The following MSL2 variants were observed in gnomAD, a reference collection of about 807,000 sequenced individuals.
MSL2 encodes the protein MSL complex subunit 2.
A neutral mutation model predicts 35.8 loss-of-function variants in MSL2; 2 were observed. That is an observed-to-expected ratio of 0.06 (90% CI 0.02 to 0.18). The LOEUF is 0.18. Ranked by LOEUF, MSL2 falls within the 10% of genes least tolerant of loss-of-function variation. The pLI, the probability that MSL2 is intolerant of heterozygous loss-of-function variation, is 1.00. For synonymous variants in MSL2, 296 were observed against 255.7 expected (o/e 1.16, Z -1.50); for missense variants, 523 against 706.7 (o/e 0.74, Z 2.95).
chr3:136,174,989 G>A (rs751005208), intron 1 of MSL2, among the ~76,000 whole-genome samples: 1 of 152,158 alleles, frequency 6.6e-6, no homozygotes, highest in Admixed American at 6.5e-5. Context: ...ATAAACCGAT[G>A]CTGATCAACC....
chr3:136,184,314 T>G (rs751738328), intron 1 of MSL2, among the ~76,000 whole-genome samples: 27 of 147,334 alleles, frequency 1.8e-4, no homozygotes, highest in Non-Finnish European at 3.1e-4. Context: ...AATTCTATGG[T>G]TCTGGGCTGG....
At chr3:136,152,889 G>T (rs1939413615) in intron 1 of MSL2, 151 bp from the exon 2 acceptor site, 11 of 1,431,908 alleles carry the variant, frequency 7.7e-6, no homozygotes, top group Non-Finnish European at 1.0e-5. Context: ...AGAAGAAACG[G>T]AAGAATCTTC....
At chr3:136,193,936 G>A (rs573773091) in intron 1 of MSL2, among the ~76,000 whole-genome samples, 1 of 152,168 alleles carries the variant, frequency 6.6e-6, no homozygotes, top group African/African-American at 2.4e-5. Context: ...AGAGAATGCT[G>A]GATAAACCTC....
At position 136,149,129 on chromosome 3, in the gene MSL2, A is replaced by C. The variant is rs1375816744; in HGVS notation, c.*2018T>G. On this transcript the variant is annotated 3_prime_UTR_variant, in exon 2 of 2. Coordinates refer to ENST00000309993, the MANE Select transcript of MSL2 (RefSeq NM_018133.4). ...CAACCTCCCATGCATCAAAAAAAAAAAAAAACCCACAAGATTATCAAACTT... is the reference window on the plus strand; with the variant it reads ...CAACCTCCCATGCATCAAAAAAAAACAAAAACCCACAAGATTATCAAACTT... 6.6e-6 allele frequency: 1 copy of C among 152,306 alleles called. No homozygotes were observed. The highest frequency in any genetic ancestry group is 1.5e-5 in the Non-Finnish European group (1 of 67,966). The allele number at this position is 152,306 out of a possible 1,614,324, so 9.4% of individuals were successfully genotyped here. A position where few individuals can be genotyped will look rare whatever the true frequency, so the allele number is the denominator to read the frequency against.
At position 136,195,836 on chromosome 3, in the gene MSL2, G is replaced by C. The variant is rs964374823; in HGVS notation, c.-723C>G. The C allele has an allele frequency of 8.1e-6, 8 of 983,784 alleles. No individual in the cohort carries two copies. The African/African-American group carries it at 1.1e-4, about 13-fold the overall frequency. 60.9% of individuals were successfully genotyped at this position (983,784 alleles called of 1,614,324 possible). A position where few individuals can be genotyped will look rare whatever the true frequency, so the allele number is the denominator to read the frequency against. On this transcript the variant is annotated 5_prime_UTR_variant, in exon 1 of 2. Transcript: ENST00000309993. ...TCCTCAACCCGGAGGGGAAGGCCGG[G>C]GAGGAAGTGCGCGGGCCGCCGCCGG... is the stretch of plus-strand genomic sequence containing the variant.
At chr3:136,170,846 C>A (rs191593123) in intron 1 of MSL2, among the ~76,000 whole-genome samples, 1 of 152,180 alleles carries the variant, frequency 6.6e-6, no homozygotes, top group East Asian at 1.9e-4. Flanking sequence ...AAAAAGAATA[C>A]AAGCCTGATC....
intron 1 of MSL2, among the ~76,000 whole-genome samples, chr3:136,193,618 A>G (rs1940753072): frequency 6.6e-6 from 1 of 152,056 alleles, no homozygotes; most frequent in Non-Finnish European, 1.5e-5. Flanking sequence ...GTGGGAGTAG[A>G]GTGAGAGGTT....
intron 1 of MSL2, among the ~76,000 whole-genome samples, chr3:136,176,034 G>C (rs749057326): frequency 8.6e-5 from 13 of 150,844 alleles, no homozygotes; most frequent in Non-Finnish European, 1.6e-4. Flanking sequence ...ACATATTCTA[G>C]ATACATATAC....
chr3:136,175,100 C>G (rs1940134590), intron 1 of MSL2, among the ~76,000 whole-genome samples: 1 of 152,002 alleles, frequency 6.6e-6, no homozygotes, highest in African/African-American at 2.4e-5. Context: ...AATCCCAGCA[C>G]TTTGGGAGGC....
chr3:136,194,907 G>A, intron 1 of MSL2, 65 bp downstream of exon 1: 4 of 1,606,534 alleles, frequency 2.5e-6, no homozygotes, highest in Middle Eastern at 1.7e-4. Context: ...ACCCGCTCAC[G>A]TTACCACTGC....
chr3:136,159,281 T>C (rs1352639999), intron 1 of MSL2, among the ~76,000 whole-genome samples: 1 of 151,710 alleles, frequency 6.6e-6, no homozygotes, highest in African/African-American at 2.4e-5. Context: ...CAGAAACAAA[T>C]TATTACATTT....
At chr3:136,156,009 CCTTATAGTACCAACTACTT>C (rs1939508524) in intron 1 of MSL2, 1 of 340,460 alleles carries the variant, frequency 2.9e-6, no homozygotes, top group African/African-American at 2.1e-5. Flanking sequence ...TCTAACATTT[CCTTATAGTACCAACTACTT>C]CTTACCTCTC....
intron 1 of MSL2, among the ~76,000 whole-genome samples, chr3:136,180,704 A>G (rs981430824): frequency 2.0e-5 from 3 of 147,450 alleles, no homozygotes; most frequent in Admixed American, 1.4e-4. Flanking sequence ...CGTCTCAGAA[A>G]AAAAAGAAAA....
chr3:136,175,475 C>T (rs915308555), intron 1 of MSL2, among the ~76,000 whole-genome samples: 2 of 151,956 alleles, frequency 1.3e-5, no homozygotes, highest in African/African-American at 4.8e-5. Flanking sequence ...CACTCAAGCC[C>T]AGGAGTTCGA....
At position 136,152,971 on chromosome 3, in the gene MSL2, G is replaced by C. The variant is rs576429819; in HGVS notation, c.143-233C>G. ...AAACCAAAATCATCCTTGATTCTGT[G>C]TCTCTCTCCCCAAGCAATACGTTCT... On this transcript the variant is annotated intron_variant, in intron 1 of 1. Coordinates refer to ENST00000309993, the MANE Select transcript of MSL2 (RefSeq NM_018133.4). 1.1e-4 allele frequency: 111 copies of C among 985,332 alleles called. 1 individual carries two copies. Among genetic ancestry groups the C allele is most frequent in the East Asian group, 3.4e-4 (3 of 8,804 alleles). The allele number at this position is 985,332 out of a possible 1,614,324, so 61.0% of individuals were successfully genotyped here. A position where few individuals can be genotyped will look rare whatever the true frequency, so the allele number is the denominator to read the frequency against.
At position 136,174,750 on chromosome 3, in the gene MSL2, ATCT is replaced by A. The variant is rs377762121; in HGVS notation, c.142+20219_142+20221del. On this transcript the variant is annotated intron_variant, in intron 1 of 1. Transcript: ENST00000309993. ...ATATATGCTATAAAGCATTTGTACC[ATCT>A]TCTGTGTAAAAGAGATTCCAACAAA... Among the ~76,000 whole-genome samples the A allele has an allele frequency of 2.3e-3, 354 of 152,300 alleles. 3 individuals carry two copies. The highest frequency in any genetic ancestry group is 8.1e-3 in the African/African-American group (338 of 41,564).
At chr3:136,174,917 ACTCATG>A (rs1212879945) in intron 1 of MSL2, among the ~76,000 whole-genome samples, 3 of 152,182 alleles carry the variant, frequency 2.0e-5, no homozygotes, top group Admixed American at 1.3e-4. Flanking sequence ...TATATACTAA[ACTCATG>A]ATTAGACTAA....
chr3:136,191,683 G>A (rs987304513), intron 1 of MSL2, among the ~76,000 whole-genome samples: 3 of 152,066 alleles, frequency 2.0e-5, no homozygotes, highest in Non-Finnish European at 4.4e-5. Flanking sequence ...TGAGGTGGAA[G>A]GACTGCATGA....
At chr3:136,173,596 GACT>G (rs774961005) in intron 1 of MSL2, among the ~76,000 whole-genome samples, 3 of 152,026 alleles carry the variant, frequency 2.0e-5, no homozygotes, top group Non-Finnish European at 4.4e-5. Context: ...TTATTTGCAT[GACT>G]ACTACTGCCT....
Sources: gnomAD v4.1 joint callset for allele counts (sites outside exome capture counted in the v4.1 genomes callset) on GRCh38, gnomAD v4.1.1 for gene constraint, MANE v1.5 for transcripts, NCBI Gene and HGNC (gene_info 2026-07-23, HGNC 2026-07-21) for gene names.